Variants in MYO5B observed in about 807,000 individuals in gnomAD.
The protein encoded by MYO5B is myosin VB, also known as unconventional myosin-Vb.
Under a neutral mutation model 229.3 loss-of-function variants are expected in MYO5B, and 143 were observed. The ratio of observed to expected loss-of-function variants is 0.62; its 90% CI spans 0.54 to 0.72. MYO5B has a LOEUF of 0.72. Among genes scored for constraint, MYO5B ranks in the 30% least tolerant of loss-of-function variants. The probability of loss-of-function intolerance (pLI) is 0.00; values close to 1 mark genes in which losing one functional copy is unlikely to be tolerated. For synonymous variants in MYO5B, 918 were observed against 885.2 expected (o/e 1.04, Z -0.66); for missense variants, 2,321 against 2,331.0 (o/e 1.00, Z 0.09).
At chr18:50,065,718 T>C (rs1421018741) in intron 1 of MYO5B, among the ~76,000 whole-genome samples, 1 of 152,136 alleles carries the variant, frequency 6.6e-6, no homozygotes, top group Non-Finnish European at 1.5e-5. Flanking sequence ...GCTAATCTCC[T>C]GCAATGGTCA....
At chr18:49,973,661 T>C (rs371521608) in intron 10 of MYO5B, among the ~76,000 whole-genome samples, 4 of 152,140 alleles carry the variant, frequency 2.6e-5, no homozygotes, top group African/African-American at 7.2e-5. Context: ...AAAACCTCAT[T>C]TGAAGCTATG....
chr18:49,922,217 A>G (rs914787302), intron 17 of MYO5B, among the ~76,000 whole-genome samples: 6 of 152,238 alleles, frequency 3.9e-5, no homozygotes, highest in Non-Finnish European at 5.9e-5. Context: ...TTGGGCAGAC[A>G]GTATCCACTA....
intron 1 of MYO5B, among the ~76,000 whole-genome samples, chr18:50,192,615 C>T (rs750212346): frequency 5.9e-5 from 9 of 152,162 alleles, no homozygotes; most frequent in African/African-American, 1.7e-4. Context: ...CACAACAATG[C>T]TCCTTCTCAT....
At chr18:50,143,323 A>G (rs2032446256) in intron 1 of MYO5B, among the ~76,000 whole-genome samples, 1 of 152,248 alleles carries the variant, frequency 6.6e-6, no homozygotes, top group Admixed American at 6.5e-5. Context: ...GCAGCTGTGT[A>G]GAATAAAATA....
Position 49,906,544 on chromosome 18 carries a change from C to A in MYO5B, c.2289G>T (p.Lys763Asn), listed in dbSNP as rs200094239. The A allele has an allele frequency of 6.2e-7, 1 of 1,614,202 alleles. No individual in the cohort carries two copies. The highest frequency in any genetic ancestry group is 1.3e-5 in the African/African-American group (1 of 75,062). The change falls in exon 19 of 40, where the codon AAG becomes AAT. Residue 763 changes from lysine to asparagine, a missense_variant. Transcript: ENST00000285039. ...VAYLEKLRAD[K>N]FRTATIMIQK... ...GGATCATGATGGTGGCTGTCCGGAA[C>A]TTGTCAGCCCGCAGCTTCTCCAGGT...
At chr18:49,902,082 A>C (rs1485864496) in intron 21 of MYO5B, among the ~76,000 whole-genome samples, 1 of 152,152 alleles carries the variant, frequency 6.6e-6, no homozygotes, top group Non-Finnish European at 1.5e-5. Flanking sequence ...CCAAGTTATG[A>C]CTCAAGATAG....
intron 7 of MYO5B, among the ~76,000 whole-genome samples, chr18:49,988,996 T>C (rs2144307299): frequency 6.6e-6 from 1 of 152,262 alleles, no homozygotes; most frequent in East Asian, 1.9e-4. Context: ...GGTCCCAATT[T>C]AAATATTACT....
At position 49,934,419 on chromosome 18, in the gene MYO5B, T is replaced by C. The variant is rs140686485; in HGVS notation, c.2003+1833A>G. Among the ~76,000 whole-genome samples the C allele has an allele frequency of 1.2e-3, 188 of 152,338 alleles. 1 individual carries two copies. Among genetic ancestry groups the C allele is most frequent in the Middle Eastern group, 6.8e-3 (2 of 294 alleles). ...AAGATAAGGCAGTGTCTTAGAAAAG[T>C]GGGACCTCAGGACTAGAAAGTCCCC... On this transcript the variant is annotated intron_variant, in intron 16 of 39. Transcript: ENST00000285039.
At chr18:50,094,298 T>C (rs1272287483) in intron 1 of MYO5B, among the ~76,000 whole-genome samples, 1 of 152,140 alleles carries the variant, frequency 6.6e-6, no homozygotes. Context: ...ACTGTTTAAG[T>C]AAGCAAAAGG....
At chr18:50,019,750 T>A (rs2026254514) in intron 4 of MYO5B, among the ~76,000 whole-genome samples, 1 of 152,162 alleles carries the variant, frequency 6.6e-6, no homozygotes, top group African/African-American at 2.4e-5. Context: ...CAACACAAAT[T>A]CAAGGCAGGG....
intron 35 of MYO5B, among the ~76,000 whole-genome samples, chr18:49,839,544 C>T (rs538289294): frequency 9.9e-5 from 15 of 152,198 alleles, no homozygotes; most frequent in Non-Finnish European, 2.1e-4. Context: ...ATCCCTGAGG[C>T]GAAGTGATTT....
chr18:49,953,121 G>A lies in MYO5B; in HGVS notation c.1752+139C>T, dbSNP rs17801369. ...ATGGCCATTCAACTGTTTTCATACCGAAATGACCAACAAACCCGTTGGCCT... is the reference window on the plus strand; with the variant it reads ...ATGGCCATTCAACTGTTTTCATACCAAAATGACCAACAAACCCGTTGGCCT... On this transcript the variant is annotated intron_variant, in intron 14 of 39. Transcript: ENST00000285039. 89,161 of 761,084 alleles carry A rather than the reference G, an allele frequency of 0.12. 5,926 individuals carry two copies. Among genetic ancestry groups the A allele is most frequent in the East Asian group, 0.23 (8,830 of 38,872 alleles). The allele number at this position is 761,084 out of a possible 1,614,324, so 47.1% of individuals were successfully genotyped here.
At chr18:50,072,161 G>A (rs913595449) in intron 1 of MYO5B, among the ~76,000 whole-genome samples, 1 of 152,262 alleles carries the variant, frequency 6.6e-6, no homozygotes, top group Middle Eastern at 3.4e-3. Context: ...TATGGAGGAG[G>A]GACACTCTGT....
Position 50,054,102 on chromosome 18 carries a change from G to T in MYO5B, c.138+1166C>A, listed in dbSNP as rs554286539. On this transcript the variant is annotated intron_variant, in intron 2 of 39. Transcript: ENST00000285039. Reference sequence around the variant, plus strand: ...TCCCCGACAGCTCCCAGATGCACTGGCCTCCTTCCCTTTCCTGGAACACAA... The same window carrying T: ...TCCCCGACAGCTCCCAGATGCACTGTCCTCCTTCCCTTTCCTGGAACACAA... 4.2e-4 allele frequency among the ~76,000 whole-genome samples: 64 copies of T among 152,242 alleles called. 1 individual carries two copies. In the South Asian group the frequency reaches 6.4e-3, roughly 15 times the overall value.
chr18:49,881,800 C>CA (rs10611314), intron 22 of MYO5B, among the ~76,000 whole-genome samples: 62 of 140,334 alleles, frequency 4.4e-4, no homozygotes, highest in South Asian at 2.1e-3. Context: ...GACTCCGTCT[C>CA]AAAAAAAAAA....
At chr18:50,055,179 C>T in intron 2 of MYO5B, 89 bp downstream of exon 2, 2 of 911,460 alleles carry the variant, frequency 2.2e-6, no homozygotes, top group Non-Finnish European at 3.5e-6. Flanking sequence ...AAACTCCAGC[C>T]CACAATGTAC....
intron 1 of MYO5B, among the ~76,000 whole-genome samples, chr18:50,193,346 G>A (rs2033254035): frequency 6.6e-6 from 1 of 152,240 alleles, no homozygotes; most frequent in South Asian, 2.1e-4. Context: ...GGGCTCGGAA[G>A]CTGTATTTGA....
At chr18:49,895,615 A>C (rs1259881515) in intron 21 of MYO5B, among the ~76,000 whole-genome samples, 1 of 152,164 alleles carries the variant, frequency 6.6e-6, no homozygotes, top group African/African-American at 2.4e-5. Flanking sequence ...TTGCAATCTA[A>C]TCGCTGGCTT....
At chr18:50,121,167 C>T (rs2032052772) in intron 1 of MYO5B, among the ~76,000 whole-genome samples, 1 of 152,190 alleles carries the variant, frequency 6.6e-6, no homozygotes, top group South Asian at 2.1e-4. Flanking sequence ...TTCCTTCCCT[C>T]TGTGAAACTT....
Sources: allele counts gnomAD v4.1 joint callset (sites outside exome capture counted in the v4.1 genomes callset), GRCh38; gene constraint gnomAD v4.1.1; transcripts MANE v1.5; gene names NCBI Gene and HGNC (gene_info 2026-07-23, HGNC 2026-07-21).